Variants in BCAT1 observed in about 807,000 individuals in gnomAD.
The protein encoded by BCAT1 is branched chain amino acid transaminase 1.
Under a neutral mutation model 52.4 loss-of-function variants are expected in BCAT1, and 48 were observed. That is an observed-to-expected ratio of 0.92 (90% CI 0.73 to 1.16). The LOEUF (loss-of-function observed/expected upper bound fraction) is 1.16, where lower values mean the gene tolerates loss of function less well. BCAT1 is among the 50% of genes most tolerant of loss of function. The pLI, the probability that BCAT1 is intolerant of heterozygous loss-of-function variation, is 0.00. For synonymous variants in BCAT1, 167 were observed against 161.3 expected (o/e 1.04, Z -0.27); for missense variants, 451 against 457.1 (o/e 0.99, Z 0.12).
At chr12:24,837,155 T>C (rs1941016444) in intron 7 of BCAT1, among the ~76,000 whole-genome samples, 1 of 83,008 alleles carries the variant, frequency 1.2e-5, no homozygotes, top group Admixed American at 1.1e-4. Flanking sequence ...GAAAGTTATC[T>C]AATCATCTTC....
chr12:24,940,854 T>G (rs1052903512), intron 1 of BCAT1, among the ~76,000 whole-genome samples: 1 of 152,194 alleles, frequency 6.6e-6, no homozygotes, highest in Non-Finnish European at 1.5e-5. Flanking sequence ...TCAGCAGAAG[T>G]AAAAGCCCAA....
At position 24,881,417 on chromosome 12, in the gene BCAT1, G is replaced by A. The variant is rs1942494029; in HGVS notation, c.280-6C>T. ...GCCTTCAATCCTTCAAATAACTGGA[G>A]ATCAAAGAGAAAAAATCTTAGAGGG... On this transcript the variant is annotated splice_region_variant and splice_polypyrimidine_tract_variant and intron_variant, in intron 3 of 10. Coordinates refer to ENST00000261192, the MANE Select transcript of BCAT1 (RefSeq NM_005504.7). The A allele has an allele frequency of 2.8e-5, 45 of 1,579,086 alleles. No individual in the cohort carries two copies. Among genetic ancestry groups the A allele is most frequent in the Non-Finnish European group, 3.7e-5 (43 of 1,149,236 alleles).
At chr12:24,928,371 G>A (rs956450543) in intron 1 of BCAT1, among the ~76,000 whole-genome samples, 4 of 152,158 alleles carry the variant, frequency 2.6e-5, no homozygotes, top group African/African-American at 9.7e-5. Flanking sequence ...GAGCACAGTA[G>A]CCCATGCCTG....
intron 5 of BCAT1, among the ~76,000 whole-genome samples, chr12:24,873,631 G>A (rs1289472170): frequency 1.3e-5 from 2 of 152,100 alleles, no homozygotes; most frequent in Non-Finnish European, 2.9e-5. Flanking sequence ...GACCAAAACT[G>A]TTTTTGATTT....
At chr12:24,841,900 T>A (rs1318645106) in intron 7 of BCAT1, among the ~76,000 whole-genome samples, 182 bp downstream of exon 7, 2 of 152,068 alleles carry the variant, frequency 1.3e-5, no homozygotes, top group East Asian at 3.9e-4. Flanking sequence ...CTCCACCTCT[T>A]TAAAAAAGAA....
At chr12:24,935,739 A>G (rs1030157759) in intron 1 of BCAT1, among the ~76,000 whole-genome samples, 5 of 152,224 alleles carry the variant, frequency 3.3e-5, no homozygotes, top group Admixed American at 2.6e-4. Context: ...TTTACTTGGA[A>G]AGCTAAGCCA....
intron 1 of BCAT1, among the ~76,000 whole-genome samples, chr12:24,940,306 T>C (rs569443605): frequency 5.1e-4 from 77 of 151,842 alleles, no homozygotes; most frequent in African/African-American, 1.8e-3. Context: ...AATCCCTCAT[T>C]TCAAGCTTCG....
intron 1 of BCAT1, chr12:24,902,092 G>C (rs1591859100): frequency 2.7e-6 from 4 of 1,477,090 alleles, no homozygotes; most frequent in Non-Finnish European, 2.7e-6. Flanking sequence ...CCACCCTGCC[G>C]GGGTCGCGGC....
In BCAT1 at chr12:24,896,262, A is replaced by C. The variant is rs1008587761; in HGVS notation, c.79-1787T>G. Among the ~76,000 whole-genome samples, 4 of 152,200 alleles carry C rather than the reference A, an allele frequency of 2.6e-5. No homozygotes were observed. In the East Asian group the frequency reaches 7.7e-4, roughly 29 times the overall value. ...TCCAGCTAAATTATTTTTATCTTTG[A>C]ATCCCTTTTCTCTCCCGTTGTCCTC... On this transcript the variant is annotated intron_variant, in intron 2 of 10. Coordinates refer to ENST00000261192, the MANE Select transcript of BCAT1 (RefSeq NM_005504.7).
chr12:24,851,559 C>T (rs538471144), intron 5 of BCAT1, among the ~76,000 whole-genome samples: 12 of 152,296 alleles, frequency 7.9e-5, no homozygotes, highest in East Asian at 1.9e-4. Flanking sequence ...GGGAACATGA[C>T]GACCAAAGGG....
intron 1 of BCAT1, among the ~76,000 whole-genome samples, chr12:24,908,869 T>C (rs994439903): frequency 3.9e-5 from 6 of 152,250 alleles, no homozygotes; most frequent in African/African-American, 1.2e-4. Flanking sequence ...CTATCACTTA[T>C]AAGCCCTATG....
intron 1 of BCAT1, among the ~76,000 whole-genome samples, chr12:24,927,114 C>T (rs189235796): frequency 2.0e-4 from 31 of 152,198 alleles, no homozygotes; most frequent in Admixed American, 4.6e-4. Context: ...AAACAATAGT[C>T]ATTTGCTTTG....
At chr12:24,902,105 T>C (rs1261685489) in intron 1 of BCAT1, 2 of 1,467,194 alleles carry the variant, frequency 1.4e-6, no homozygotes, top group Non-Finnish European at 9.0e-7. Flanking sequence ...GTCGCGGCGG[T>C]TTTTGTCCTC....
chr12:24,933,064 C>T (rs1943698922), intron 1 of BCAT1, among the ~76,000 whole-genome samples: 1 of 150,770 alleles, frequency 6.6e-6, no homozygotes, highest in African/African-American at 2.4e-5. Context: ...CCCGCCTCGG[C>T]CTCCCAAAGT....
intron 5 of BCAT1, among the ~76,000 whole-genome samples, chr12:24,859,085 G>A (rs1441731550): frequency 6.6e-6 from 1 of 152,158 alleles, no homozygotes; most frequent in African/African-American, 2.4e-5. Context: ...AAAGGTTTAT[G>A]AGAATCTTAT....
chr12:24,850,696 C>T (rs866281095), intron 5 of BCAT1, among the ~76,000 whole-genome samples: 1 of 152,180 alleles, frequency 6.6e-6, no homozygotes, highest in Non-Finnish European at 1.5e-5. Flanking sequence ...AAGGCAAACG[C>T]TGAGTTATAA....
At chr12:24,891,915 ATTT>A (rs10616253) in intron 3 of BCAT1, among the ~76,000 whole-genome samples, 32 of 144,358 alleles carry the variant, frequency 2.2e-4, no homozygotes, top group African/African-American at 8.2e-4. Flanking sequence ...CGCCCGGCTA[ATTT>A]TTTTTTTTTT....
intron 5 of BCAT1, among the ~76,000 whole-genome samples, chr12:24,860,279 G>C (rs766096130): frequency 6.6e-6 from 1 of 152,304 alleles, no homozygotes; most frequent in East Asian, 1.9e-4. Flanking sequence ...CATAAATATT[G>C]AGCAAACAGG....
Position 24,878,593 on chromosome 12 carries a change from T to C in BCAT1, c.447A>G (p.Gln149=), listed in dbSNP as rs1465484232. Residue 149 remains glutamine (Q), a synonymous_variant, in exon 5 of 11, where the codon CAA becomes CAG. Coordinates refer to ENST00000261192, the MANE Select transcript of BCAT1 (RefSeq NM_005504.7). Reference sequence around the variant, plus strand: ...CAGATGTTGAATATGGGACCCATTCTTGATCCAATTTCACAAGCTGTTGAA... The same window carrying C: ...CAGATGTTGAATATGGGACCCATTCCTGATCCAATTTCACAAGCTGTTGAA... ...ECIQQLVKLD[Q]EWVPYSTSAS... 1 of 1,610,300 alleles carries C rather than the reference T, an allele frequency of 6.2e-7. No homozygotes were observed. The highest frequency in any genetic ancestry group is 2.2e-5 in the East Asian group (1 of 44,806).
Sources: gnomAD v4.1 joint callset for allele counts (sites outside exome capture counted in the v4.1 genomes callset) on GRCh38, gnomAD v4.1.1 for gene constraint, MANE v1.5 for transcripts, NCBI Gene and HGNC (gene_info 2026-07-23, HGNC 2026-07-21) for gene names.